ZFPM2: variants seen among roughly 807,000 people sequenced by gnomAD.
ZFPM2 encodes zinc finger protein ZFPM2.
In ZFPM2, 20 loss-of-function variants were observed where a neutral mutation model predicts 98.6. The ratio of observed to expected loss-of-function variants is 0.20; its 90% CI spans 0.14 to 0.29. The LOEUF (loss-of-function observed/expected upper bound fraction) is 0.29, where lower values mean the gene tolerates loss of function less well. Ranked by LOEUF, ZFPM2 falls within the 10% of genes least tolerant of loss-of-function variation. The pLI is 1.00. For synonymous variants in ZFPM2, 518 were observed against 502.7 expected, an observed-to-expected ratio of 1.03 and a Z score of -0.41; for missense variants, 1,310 against 1,388.6, an observed-to-expected ratio of 0.94 and a Z score of 0.90.
intron 5 of ZFPM2, among the ~76,000 whole-genome samples, chr8:105,776,776 G>A (rs1280305999): frequency 1.3e-5 from 2 of 152,240 alleles, no homozygotes; most frequent in African/African-American, 4.8e-5. Flanking sequence ...AACTTACTAA[G>A]TGAATAGGGA....
chr8:105,799,902 G>A (rs1178879108), intron 7 of ZFPM2, among the ~76,000 whole-genome samples: 1 of 152,156 alleles, frequency 6.6e-6, no homozygotes. Context: ...CTCTAGTACA[G>A]TTCAAGCTTT....
chr8:105,476,086 T>G (rs908623798), intron 3 of ZFPM2, among the ~76,000 whole-genome samples: 1 of 152,224 alleles, frequency 6.6e-6, no homozygotes, highest in Non-Finnish European at 1.5e-5. Context: ...ATATTTATCC[T>G]GAATAATGCC....
rs149327679 is a variant in ZFPM2, at chr8:105,443,253, G to C, written c.200-1027G>C. On this transcript the variant is annotated intron_variant, in intron 2 of 7. Coordinates refer to ENST00000407775, the MANE Select transcript of ZFPM2 (RefSeq NM_012082.4). ...GAACCTGAGAGGTGGAGGTTGCAGT[G>C]AGCTGAAATTGCACCATTGCACTCC... Among the ~76,000 whole-genome samples, 246 of 141,296 alleles carry C rather than the reference G, an allele frequency of 1.7e-3. 6 individuals are homozygous for C. The East Asian group carries it at 0.048, about 27-fold the overall frequency. The allele number at this position is 141,296 out of a possible 152,430, so 92.7% of individuals were successfully genotyped here. A position where few individuals can be genotyped will look rare whatever the true frequency, so the allele number is the denominator to read the frequency against.
chr8:105,733,153 A>C (rs1811985830), intron 5 of ZFPM2, among the ~76,000 whole-genome samples: 1 of 151,916 alleles, frequency 6.6e-6, no homozygotes, highest in Non-Finnish European at 1.5e-5. Flanking sequence ...ATGTGTGCAT[A>C]AGCACTCACA....
chr8:105,683,215 G>A (rs1339349030), intron 5 of ZFPM2, among the ~76,000 whole-genome samples: 2 of 152,022 alleles, frequency 1.3e-5, no homozygotes, highest in Non-Finnish European at 2.9e-5. Context: ...TTAGCATTCA[G>A]GTCATAGCAA....
chr8:105,752,160 C>T (rs1812493196), intron 5 of ZFPM2, among the ~76,000 whole-genome samples: 1 of 152,008 alleles, frequency 6.6e-6, no homozygotes, highest in Non-Finnish European at 1.5e-5. Context: ...ATGTACTGCT[C>T]ATGTGACAGT....
intron 3 of ZFPM2, among the ~76,000 whole-genome samples, chr8:105,533,201 A>T (rs1365053349): frequency 6.6e-6 from 1 of 152,184 alleles, no homozygotes; most frequent in East Asian, 1.9e-4. Context: ...GACTGCAAAC[A>T]TAATATTTCT....
intron 5 of ZFPM2, among the ~76,000 whole-genome samples, chr8:105,635,000 T>C (rs1816820371): frequency 6.6e-6 from 1 of 152,168 alleles, no homozygotes; most frequent in African/African-American, 2.4e-5. Context: ...TGGCACATTG[T>C]GGGGCTGGGG....
intron 5 of ZFPM2, among the ~76,000 whole-genome samples, chr8:105,679,443 T>C (rs1400981100): frequency 6.6e-6 from 1 of 152,166 alleles, no homozygotes; most frequent in Non-Finnish European, 1.5e-5. Context: ...CACTTTTAGA[T>C]TTAGCTGCAA....
At chr8:105,726,670 A>T (rs78739836) in intron 5 of ZFPM2, among the ~76,000 whole-genome samples, 55 of 151,878 alleles carry the variant, frequency 3.6e-4, no homozygotes, top group African/African-American at 1.3e-3. Flanking sequence ...ATCTCCATGG[A>T]GTGAAAGGAT....
At chr8:105,789,941 T>A (rs1468301742) in intron 6 of ZFPM2, among the ~76,000 whole-genome samples, 1 of 151,610 alleles carries the variant, frequency 6.6e-6, no homozygotes, top group Non-Finnish European at 1.5e-5. Flanking sequence ...TGTTTGTTTT[T>A]TTCTTGTAAA....
chr8:105,739,012 C>T (rs1812153474), intron 5 of ZFPM2, among the ~76,000 whole-genome samples: 1 of 151,956 alleles, frequency 6.6e-6, no homozygotes, highest in Non-Finnish European at 1.5e-5. Context: ...TCCCAACTCA[C>T]ACCGGATTAG....
At chr8:105,691,573 A>G (rs901029329) in intron 5 of ZFPM2, among the ~76,000 whole-genome samples, 1 of 151,924 alleles carries the variant, frequency 6.6e-6, no homozygotes, top group African/African-American at 2.4e-5. Context: ...GACCACCCTC[A>G]CTATTTTTGA....
intron 1 of ZFPM2, among the ~76,000 whole-genome samples, chr8:105,394,964 G>A (rs989809813): frequency 6.6e-6 from 1 of 152,050 alleles, no homozygotes; most frequent in South Asian, 2.1e-4. Flanking sequence ...GTCTTTTCTG[G>A]TCCTTTTCCC....
intron 3 of ZFPM2, among the ~76,000 whole-genome samples, chr8:105,512,396 AG>A (rs765806552): frequency 2.0e-5 from 3 of 152,176 alleles, no homozygotes; most frequent in Admixed American, 6.5e-5. Context: ...CAGACTTACT[AG>A]GATTGAACGC....
chr8:105,379,486 G>A (rs952998052), intron 1 of ZFPM2, among the ~76,000 whole-genome samples: 1 of 152,186 alleles, frequency 6.6e-6, no homozygotes, highest in Non-Finnish European at 1.5e-5. Context: ...GGGCACGGTG[G>A]CTCACGCCTG....
chr8:105,515,840 C>CT (rs934788092), intron 3 of ZFPM2, among the ~76,000 whole-genome samples: 1 of 151,118 alleles, frequency 6.6e-6, no homozygotes, highest in Non-Finnish European at 1.5e-5. Context: ...AACATTAACT[C>CT]TGATTGCTCT....
intron 5 of ZFPM2, among the ~76,000 whole-genome samples, chr8:105,715,037 G>A (rs901850200): frequency 6.6e-6 from 1 of 152,016 alleles, no homozygotes; most frequent in Non-Finnish European, 1.5e-5. Context: ...TCCACAGAAA[G>A]AGCAACCAAC....
At chr8:105,548,379 T>C (rs943664639) in intron 3 of ZFPM2, among the ~76,000 whole-genome samples, 6 of 152,290 alleles carry the variant, frequency 3.9e-5, no homozygotes, top group Admixed American at 3.3e-4. Flanking sequence ...TTTCCAATAA[T>C]TTTTAGACTA....
Sources: gnomAD v4.1 joint callset for allele counts (sites outside exome capture counted in the v4.1 genomes callset) on GRCh38, gnomAD v4.1.1 for gene constraint, MANE v1.5 for transcripts, NCBI Gene and HGNC (gene_info 2026-07-23, HGNC 2026-07-21) for gene names.